Variants in NAT2 observed in about 807,000 individuals in gnomAD.
The protein encoded by NAT2 is arylamine N-acetyltransferase 2.
For synonymous variants in NAT2, 137 were observed against 125.9 expected (o/e 1.09, Z -0.59); for missense variants, 428 against 339.1 (o/e 1.26, Z -2.06).
chr8:18,389,892 C>T (rs1356170618), upstream of NAT2, among the ~76,000 whole-genome samples: 1 of 152,148 alleles, frequency 6.6e-6, no homozygotes, highest in Non-Finnish European at 1.5e-5. Context: ...ATTCCAGTGG[C>T]TTATTTTGAT....
chr8:18,395,191 A>C (rs1246838312), intron 1 of NAT2, among the ~76,000 whole-genome samples: 1 of 152,102 alleles, frequency 6.6e-6, no homozygotes, highest in Admixed American at 6.5e-5. Flanking sequence ...TACCAGTGGC[A>C]CAATCTCCAA....
chr8:18,397,041 A>G (rs1800704149), intron 1 of NAT2, among the ~76,000 whole-genome samples: 1 of 152,184 alleles, frequency 6.6e-6, no homozygotes, highest in Admixed American at 6.5e-5. Flanking sequence ...CTCATTTCCA[A>G]TTAAGTAGAG....
At chr8:18,396,332 T>A (rs1185902741) in intron 1 of NAT2, among the ~76,000 whole-genome samples, 1 of 152,198 alleles carries the variant, frequency 6.6e-6, no homozygotes, top group Non-Finnish European at 1.5e-5. Context: ...GGCTTATATA[T>A]AGAATTCCTT....
chr8:18,395,253 T>C (rs1800663665), intron 1 of NAT2, among the ~76,000 whole-genome samples: 1 of 152,114 alleles, frequency 6.6e-6, no homozygotes, highest in African/African-American at 2.4e-5. Flanking sequence ...TATAGCTAAT[T>C]GCAAACCACC....
Position 18,400,366 on chromosome 8 carries a change from C to A in NAT2, c.363C>A (p.Val121=). Residue 121 remains valine (V), a synonymous_variant, in exon 2 of 2, where the codon GTC becomes GTA. Coordinates refer to ENST00000286479, the MANE Select transcript of NAT2 (RefSeq NM_000015.3). ...QVTIDGRNYI[V]DAGSGSSSQM... ...CCATTGACGGCAGGAATTACATTGT[C>A]GATGCTGGGTCTGGAAGCTCCTCCC... 3 of 1,612,326 alleles carry A rather than the reference C, an allele frequency of 1.9e-6. No homozygotes were observed. The highest frequency in any genetic ancestry group is 8.5e-7 in the Non-Finnish European group (1 of 1,179,308).
At chr8:18,393,638 A>C (rs938273868) in intron 1 of NAT2, among the ~76,000 whole-genome samples, 2 of 152,218 alleles carry the variant, frequency 1.3e-5, no homozygotes, top group Non-Finnish European at 2.9e-5. Context: ...TCACATCAGC[A>C]GATATGCATG....
chr8:18,386,896 G>A (rs767645393), upstream of NAT2, among the ~76,000 whole-genome samples: 2 of 152,188 alleles, frequency 1.3e-5, no homozygotes, highest in Non-Finnish European at 2.9e-5. Context: ...CCTGATCTGA[G>A]GCCTCACAAC....
rs200893121 is a variant in NAT2 at position 18,400,010 on chromosome 8, A to G, written c.7A>G (p.Ile3Val). 1.3e-6 allele frequency: 2 copies of G among 1,583,754 alleles called. No individual in the cohort carries two copies. Among genetic ancestry groups the G allele is most frequent in the African/African-American group, 1.4e-5 (1 of 73,896 alleles). The change falls in exon 2 of 2, where the codon ATT (isoleucine) becomes GTT (valine). Residue 3 changes from isoleucine to valine, a missense_variant. Ile to Val is a conservative substitution (Grantham distance 29). Transcript: ENST00000286479. MD[I>V]EAYFERIGYK... Reference sequence around the variant, plus strand: ...TTTTCTTGCTTAGGGGATCATGGACATTGAAGCATATTTTGAAAGAATTGG... The same window carrying G: ...TTTTCTTGCTTAGGGGATCATGGACGTTGAAGCATATTTTGAAAGAATTGG...
chr8:18,387,077 G>C (rs1172065804), upstream of NAT2: 1 of 152,474 alleles, frequency 6.6e-6, no homozygotes, highest in Admixed American at 6.5e-5. Flanking sequence ...GGCCTGGGGT[G>C]GGGGAAGGGG....
upstream of NAT2, among the ~76,000 whole-genome samples, chr8:18,388,977 A>G (rs1025027314): frequency 4.6e-5 from 7 of 152,284 alleles, no homozygotes; most frequent in East Asian, 1.2e-3. Flanking sequence ...GCTCTCTGAC[A>G]TCTCACACTC....
At chr8:18,390,690 TAGG>T (rs1338620692), upstream of NAT2, among the ~76,000 whole-genome samples, 1 of 150,898 alleles carries the variant, frequency 6.6e-6, no homozygotes, top group African/African-American at 2.4e-5. Flanking sequence ...TGCCACAGGC[TAGG>T]AGAAATAAAA....
intron 1 of NAT2, among the ~76,000 whole-genome samples, chr8:18,393,854 G>A (rs1159252971): frequency 6.6e-6 from 1 of 152,142 alleles, no homozygotes; most frequent in Non-Finnish European, 1.5e-5. Context: ...AAAACAATGG[G>A]CAAGGCTAGA....
chr8:18,394,248 T>C (rs987085848), intron 1 of NAT2, among the ~76,000 whole-genome samples: 2 of 152,114 alleles, frequency 1.3e-5, no homozygotes, highest in East Asian at 1.9e-4. Context: ...CATTTTCCCA[T>C]CTTTTGTGGT....
rs558071769 is a variant in NAT2, at chr8:18,391,295, C to G, written c.-57C>G. The G allele has an allele frequency of 2.6e-5, 4 of 152,150 alleles. No individual in the cohort carries two copies. Among genetic ancestry groups the G allele is most frequent in the Admixed American group, 2.6e-4 (4 of 15,286 alleles). The allele number at this position is 152,150 out of a possible 1,614,324, so 9.4% of individuals were successfully genotyped here. On this transcript the variant is annotated 5_prime_UTR_variant, in exon 1 of 2. Transcript: ENST00000286479. ...GGAAGGGAGAGCACTTTATTACAGA[C>G]CTTGGAAGCAAGAGGATTGCATTCA...
At position 18,401,027 on chromosome 8, in the gene NAT2, T is replaced by A. The variant is rs377397835; in HGVS notation, c.*151T>A. 3.8e-6 allele frequency: 2 copies of A among 521,038 alleles called. No homozygotes were observed. The highest frequency in any genetic ancestry group is 6.4e-6 in the Non-Finnish European group (2 of 312,156). The allele number at this position is 521,038 out of a possible 1,614,324, so 32.3% of individuals were successfully genotyped here. On this transcript the variant is annotated 3_prime_UTR_variant, in exon 2 of 2. Transcript: ENST00000286479. ...CATCCATAAAAATGTCAGCATTTAT[T>A]AAAAAACAATAACTTTTTAAAGAAA...
upstream of NAT2, among the ~76,000 whole-genome samples, chr8:18,389,621 CT>C (rs1800561679): frequency 6.6e-6 from 1 of 152,228 alleles, no homozygotes. Flanking sequence ...AGGAATTCTT[CT>C]ATACAAGAGG....
upstream of NAT2, among the ~76,000 whole-genome samples, chr8:18,388,581 A>C (rs552526717): frequency 6.6e-6 from 1 of 150,960 alleles, no homozygotes; most frequent in Non-Finnish European, 1.5e-5. Flanking sequence ...AAGAACATTT[A>C]TTTCTTTCTC....
At chr8:18,397,685 T>C (rs1800717009) in intron 1 of NAT2, among the ~76,000 whole-genome samples, 1 of 152,090 alleles carries the variant, frequency 6.6e-6, no homozygotes, top group African/African-American at 2.4e-5. Context: ...CTTAAAGTAT[T>C]GATTTGCTCT....
At chr8:18,398,311 T>G (rs565705887) in intron 1 of NAT2, among the ~76,000 whole-genome samples, 5 of 152,340 alleles carry the variant, frequency 3.3e-5, no homozygotes, top group Non-Finnish European at 5.9e-5. Context: ...AGGGATCTTA[T>G]GACCTACAAT....
Sources: gnomAD v4.1 joint callset for allele counts (sites outside exome capture counted in the v4.1 genomes callset) on GRCh38, gnomAD v4.1.1 for gene constraint, MANE v1.5 for transcripts, NCBI Gene and HGNC (gene_info 2026-07-23, HGNC 2026-07-21) for gene names.